Variants in GRIA4 observed in about 807,000 individuals in gnomAD.
GRIA4 encodes the protein glutamate ionotropic receptor AMPA type subunit 4.
GRIA4 carries 34 observed loss-of-function variants against 104.0 expected under a neutral mutation model. The observed-to-expected ratio is 0.33, with a 90% CI of 0.25 to 0.44. GRIA4 has a LOEUF of 0.44. Among genes scored for constraint, GRIA4 ranks in the 20% least tolerant of loss-of-function variants. The probability of loss-of-function intolerance (pLI) is 1.00; values close to 1 mark genes in which losing one functional copy is unlikely to be tolerated. For synonymous variants in GRIA4, 386 were observed against 381.9 expected, an observed-to-expected ratio of 1.01 and a Z score of -0.13; for missense variants, 750 against 1,096.5, an observed-to-expected ratio of 0.68 and a Z score of 4.46.
intron 8 of GRIA4, among the ~76,000 whole-genome samples, chr11:105,904,375 G>T (rs1431531137): frequency 6.6e-6 from 1 of 152,126 alleles, no homozygotes; most frequent in Non-Finnish European, 1.5e-5. Context: ...TTGGGGGCAG[G>T]TTTCAAATTG....
chr11:105,966,708 T>C (rs1263785117), intron 14 of GRIA4, among the ~76,000 whole-genome samples: 1 of 151,978 alleles, frequency 6.6e-6, no homozygotes, highest in African/African-American at 2.4e-5. Context: ...ATAGTTTTTT[T>C]TATTTCTAAG....
chr11:105,925,445 T>C (rs1947679493), intron 12 of GRIA4, among the ~76,000 whole-genome samples: 1 of 152,160 alleles, frequency 6.6e-6, no homozygotes, highest in African/African-American at 2.4e-5. Flanking sequence ...AAAAATGCCT[T>C]ACTTTTCTCA....
At chr11:105,633,001 C>G (rs1488702876) in intron 3 of GRIA4, among the ~76,000 whole-genome samples, 1 of 152,038 alleles carries the variant, frequency 6.6e-6, no homozygotes, top group African/African-American at 2.4e-5. Context: ...GTGCTGTTCA[C>G]CAGGAAATAC....
chr11:105,664,585 T>C (rs1462946463), intron 3 of GRIA4, among the ~76,000 whole-genome samples: 3 of 152,078 alleles, frequency 2.0e-5, no homozygotes, highest in South Asian at 2.1e-4. Flanking sequence ...AGCACTGTTT[T>C]GTGTGGTAGA....
chr11:105,722,370 T>A (rs1377972802), intron 3 of GRIA4, among the ~76,000 whole-genome samples: 2 of 152,152 alleles, frequency 1.3e-5, no homozygotes, highest in Non-Finnish European at 2.9e-5. Context: ...TTTTTCAGTC[T>A]TACAATGGGG....
chr11:105,763,185 T>A (rs1940750052), intron 4 of GRIA4, among the ~76,000 whole-genome samples: 1 of 151,558 alleles, frequency 6.6e-6, no homozygotes, highest in Non-Finnish European at 1.5e-5. Flanking sequence ...GAAATGGGAG[T>A]GAGAGGAGAA....
intron 3 of GRIA4, among the ~76,000 whole-genome samples, chr11:105,727,974 G>T (rs1275054601): frequency 6.6e-6 from 1 of 151,950 alleles, no homozygotes; most frequent in Admixed American, 6.6e-5. Context: ...TCAACTAATG[G>T]GCAAAATAAC....
chr11:105,895,974 T>A (rs1946636492), intron 6 of GRIA4, among the ~76,000 whole-genome samples: 1 of 152,254 alleles, frequency 6.6e-6, no homozygotes, highest in Non-Finnish European at 1.5e-5. Context: ...GGTAGTTCTA[T>A]TTTTAGTTCT....
chr11:105,716,327 A>G (rs1198452861), intron 3 of GRIA4, among the ~76,000 whole-genome samples: 1 of 152,192 alleles, frequency 6.6e-6, no homozygotes, highest in Non-Finnish European at 1.5e-5. Flanking sequence ...TAGTAAAGTA[A>G]TATACTTACT....
chr11:105,736,496 A>G (rs541448676), intron 3 of GRIA4, among the ~76,000 whole-genome samples: 2 of 152,254 alleles, frequency 1.3e-5, no homozygotes, highest in East Asian at 3.9e-4. Flanking sequence ...TAGTACACTA[A>G]ATACTCAAGT....
chr11:105,615,422 T>A (rs1177588014), intron 3 of GRIA4, among the ~76,000 whole-genome samples: 3 of 151,860 alleles, frequency 2.0e-5, no homozygotes, highest in Non-Finnish European at 4.4e-5. Context: ...ATTCCAACCA[T>A]TCTATTGTTG....
chr11:105,713,804 T>C (rs79110666), intron 3 of GRIA4, among the ~76,000 whole-genome samples: 2,495 of 152,276 alleles, frequency 0.016, 66 homozygotes, highest in African/African-American at 0.056. Context: ...AATTTTAAAG[T>C]AGCTTGAGGC....
chr11:105,677,252 C>G (rs1952568271), intron 3 of GRIA4, among the ~76,000 whole-genome samples: 1 of 151,870 alleles, frequency 6.6e-6, no homozygotes, highest in Non-Finnish European at 1.5e-5. Flanking sequence ...CTCTCTGACT[C>G]TGTTTTGCCC....
intron 3 of GRIA4, among the ~76,000 whole-genome samples, chr11:105,695,642 C>A (rs552884585): frequency 3.9e-5 from 6 of 152,122 alleles, no homozygotes; most frequent in Admixed American, 1.3e-4. Context: ...AAGGCACCAA[C>A]CTCTGACTGC....
At chr11:105,910,145 C>G (rs938021611) in intron 9 of GRIA4, among the ~76,000 whole-genome samples, 1 of 152,144 alleles carries the variant, frequency 6.6e-6, no homozygotes, top group Non-Finnish European at 1.5e-5. Flanking sequence ...TAAAATAATG[C>G]ACCGTGCTCA....
intron 4 of GRIA4, among the ~76,000 whole-genome samples, chr11:105,841,133 T>G (rs1478541970): frequency 6.6e-6 from 1 of 152,148 alleles, no homozygotes; most frequent in Non-Finnish European, 1.5e-5. Flanking sequence ...TGGCTTCTCT[T>G]TCACCCTTGT....
intron 14 of GRIA4, among the ~76,000 whole-genome samples, chr11:105,940,819 T>G (rs1184933905): frequency 1.0e-5 from 1 of 95,984 alleles, no homozygotes. Flanking sequence ...ACGATTCACA[T>G]TTAATTTAAA....
chr11:105,797,181 C>T (rs2135823988), intron 4 of GRIA4, among the ~76,000 whole-genome samples: 1 of 151,984 alleles, frequency 6.6e-6, no homozygotes, highest in Non-Finnish European at 1.5e-5. Flanking sequence ...TGCACTCTAG[C>T]CTGGATGACA....
At chr11:105,817,024 G>A (rs1419483045) in intron 4 of GRIA4, among the ~76,000 whole-genome samples, 1 of 151,636 alleles carries the variant, frequency 6.6e-6, no homozygotes, top group Non-Finnish European at 1.5e-5. Context: ...GTGAAACCCT[G>A]TCTCTTTAAA....
Sources: gnomAD v4.1 joint callset for allele counts (sites outside exome capture counted in the v4.1 genomes callset) on GRCh38, gnomAD v4.1.1 for gene constraint, MANE v1.5 for transcripts, NCBI Gene and HGNC (gene_info 2026-07-23, HGNC 2026-07-21) for gene names.